ARHGAP15: variants seen among roughly 807,000 people sequenced by gnomAD.
ARHGAP15 encodes rho GTPase-activating protein 15.
In ARHGAP15, 51 loss-of-function variants were observed where a neutral mutation model predicts 63.7. The ratio of observed to expected loss-of-function variants is 0.80; its 90% CI spans 0.64 to 1.01. The LOEUF is 1.01. Ranked by LOEUF, ARHGAP15 falls within the 50% of genes least tolerant of loss-of-function variation. ARHGAP15 has a pLI of 0.00. For synonymous variants in ARHGAP15, 191 were observed against 193.8 expected, an observed-to-expected ratio of 0.99 and a Z score of 0.12; for missense variants, 560 against 564.6, an observed-to-expected ratio of 0.99 and a Z score of 0.08.
intron 9 of ARHGAP15, among the ~76,000 whole-genome samples, chr2:143,501,391 A>G (rs1559012982): frequency 6.6e-6 from 1 of 152,262 alleles, no homozygotes; most frequent in African/African-American, 2.4e-5. Context: ...TTGATATTAC[A>G]TAAAGAATTT....
At chr2:143,321,634 A>T (rs1684030157) in intron 6 of ARHGAP15, among the ~76,000 whole-genome samples, 1 of 152,246 alleles carries the variant, frequency 6.6e-6, no homozygotes, top group Non-Finnish European at 1.5e-5. Context: ...TGGGCCCCAT[A>T]ATCTGAGAGT....
chr2:143,175,865 G>A (rs1052882462), intron 2 of ARHGAP15, among the ~76,000 whole-genome samples: 3 of 152,058 alleles, frequency 2.0e-5, no homozygotes, highest in Non-Finnish European at 1.5e-5. Flanking sequence ...TCAAATCCAT[G>A]TCAGAGAATC....
chr2:143,147,844 A>G (rs559700886), intron 1 of ARHGAP15, among the ~76,000 whole-genome samples: 1 of 152,164 alleles, frequency 6.6e-6, no homozygotes, highest in African/African-American at 2.4e-5. Context: ...ACAAATAGAT[A>G]CTGTAATATT....
chr2:143,477,431 ATAT>A (rs1181117697), intron 8 of ARHGAP15, among the ~76,000 whole-genome samples: 5 of 151,752 alleles, frequency 3.3e-5, no homozygotes, highest in Admixed American at 6.6e-5. Context: ...TTAATCATTA[ATAT>A]TAATCTATTA....
intron 6 of ARHGAP15, among the ~76,000 whole-genome samples, chr2:143,396,615 G>GTTTTT (rs34811392): frequency 6.8e-6 from 1 of 147,300 alleles, no homozygotes; most frequent in African/African-American, 2.5e-5. Context: ...AGGGATTTAA[G>GTTTTT]TTTTTTTTTT....
At chr2:143,657,074 T>C (rs1446958755) in intron 12 of ARHGAP15, among the ~76,000 whole-genome samples, 1 of 152,076 alleles carries the variant, frequency 6.6e-6, no homozygotes, top group Non-Finnish European at 1.5e-5. Flanking sequence ...TGGCCGAGCG[T>C]GGTGGCTCAC....
At chr2:143,708,463 C>G (rs1482540473) in intron 13 of ARHGAP15, among the ~76,000 whole-genome samples, 1 of 152,108 alleles carries the variant, frequency 6.6e-6, no homozygotes, top group East Asian at 1.9e-4. Context: ...ACTTGAGTTT[C>G]CTTACTGTCC....
intron 6 of ARHGAP15, among the ~76,000 whole-genome samples, chr2:143,384,232 TA>T (rs1687175007): frequency 1.3e-5 from 2 of 152,064 alleles, no homozygotes; most frequent in Non-Finnish European, 2.9e-5. Context: ...TTGATGGAGA[TA>T]AAAAGATCAG....
chr2:143,355,461 C>G (rs1215627828), intron 6 of ARHGAP15, among the ~76,000 whole-genome samples: 6 of 152,118 alleles, frequency 3.9e-5, no homozygotes, highest in Non-Finnish European at 8.8e-5. Flanking sequence ...CAAGTATAGA[C>G]AGTATACAGG....
chr2:143,296,876 T>G (rs1159155016), intron 6 of ARHGAP15, among the ~76,000 whole-genome samples: 1 of 151,944 alleles, frequency 6.6e-6, no homozygotes, highest in African/African-American at 2.4e-5. Context: ...GTTCGTAAGT[T>G]CTTATCATTT....
At chr2:143,525,468 T>G (rs1377308901) in intron 10 of ARHGAP15, among the ~76,000 whole-genome samples, 1 of 152,100 alleles carries the variant, frequency 6.6e-6, no homozygotes. Flanking sequence ...TTTTGTTTTT[T>G]TTTTTAAGTG....
At chr2:143,598,079 AG>A (rs1697595983) in intron 11 of ARHGAP15, 1 of 152,048 alleles carries the variant, frequency 6.6e-6, no homozygotes, top group South Asian at 2.1e-4. Context: ...TGTTGCATTG[AG>A]GGTTGTTTCC....
intron 8 of ARHGAP15, among the ~76,000 whole-genome samples, chr2:143,454,845 C>T (rs1354231613): frequency 6.6e-6 from 1 of 152,086 alleles, no homozygotes; most frequent in Non-Finnish European, 1.5e-5. Flanking sequence ...CTCTAAAAAG[C>T]TGGAGTACTC....
chr2:143,552,238 C>T (rs937090042), intron 10 of ARHGAP15, among the ~76,000 whole-genome samples: 12 of 152,154 alleles, frequency 7.9e-5, no homozygotes, highest in African/African-American at 2.9e-4. Flanking sequence ...GAAAAACAAG[C>T]AGGCTTTCAG....
At chr2:143,410,479 GGAAGAAAGCATGCAAAAATGCAT>G (rs1336566199) in intron 6 of ARHGAP15, among the ~76,000 whole-genome samples, 1 of 152,094 alleles carries the variant, frequency 6.6e-6, no homozygotes, top group Non-Finnish European at 1.5e-5. Flanking sequence ...ATCCTGGAGG[GGAAGAAAGCATGCAAAAATGCAT>G]GAACATTCAT....
chr2:143,192,086 C>T (rs901447132), intron 2 of ARHGAP15, among the ~76,000 whole-genome samples: 3 of 152,234 alleles, frequency 2.0e-5, no homozygotes, highest in Admixed American at 2.0e-4. Context: ...TGACTTCAAA[C>T]AGTAGATATT....
intron 6 of ARHGAP15, among the ~76,000 whole-genome samples, chr2:143,357,916 A>T (rs1025189310): frequency 1.2e-4 from 18 of 152,218 alleles, no homozygotes; most frequent in African/African-American, 4.1e-4. Context: ...ATTTGCATAA[A>T]CCTTAAGAGA....
chr2:143,645,653 A>G, intron 12 of ARHGAP15, among the ~76,000 whole-genome samples: 1 of 152,110 alleles, frequency 6.6e-6, no homozygotes. Flanking sequence ...ATACAAATTA[A>G]TTAGATTCTT....
chr2:143,748,225 CTCT>C (rs1171938072), intron 13 of ARHGAP15, among the ~76,000 whole-genome samples: 2 of 152,114 alleles, frequency 1.3e-5, no homozygotes, highest in Non-Finnish European at 2.9e-5. Flanking sequence ...GCCTTTTTCT[CTCT>C]TCTTTGGTTA....
Sources: gnomAD v4.1 joint callset for allele counts (sites outside exome capture counted in the v4.1 genomes callset) on GRCh38, gnomAD v4.1.1 for gene constraint, MANE v1.5 for transcripts, NCBI Gene and HGNC (gene_info 2026-07-23, HGNC 2026-07-21) for gene names.